The following CARMIL1 variants were observed in gnomAD, a reference collection of about 807,000 sequenced individuals.
CARMIL1 encodes the protein F-actin-uncapping protein LRRC16A.
Under a neutral mutation model 177.1 loss-of-function variants are expected in CARMIL1, and 90 were observed. The ratio of observed to expected loss-of-function variants is 0.51; its 90% CI spans 0.43 to 0.61. The LOEUF (loss-of-function observed/expected upper bound fraction) is 0.61, where lower values mean the gene tolerates loss of function less well. Among genes scored for constraint, CARMIL1 ranks in the 20% least tolerant of loss-of-function variants. The pLI is 0.00. For missense variants in CARMIL1, 1,380 were observed against 1,667.0 expected, an observed-to-expected ratio of 0.83 and a Z score of 3.00; for synonymous variants, 577 against 606.2, an observed-to-expected ratio of 0.95 and a Z score of 0.71.
In CARMIL1 at chr6:25,510,914, A is replaced by C. The variant is rs1387503932; in HGVS notation, c.1632+152A>C. On this transcript the variant is annotated intron_variant, in intron 20 of 36. Coordinates refer to ENST00000329474, the MANE Select transcript of CARMIL1 (RefSeq NM_017640.6). Reference sequence around the variant, plus strand: ...TTTAAAAATGGAATAAATACACTTTAGTAGAGTTGTAGAATGTATTTAAAA... The same window carrying C: ...TTTAAAAATGGAATAAATACACTTTCGTAGAGTTGTAGAATGTATTTAAAA... 6.7e-5 allele frequency among the ~76,000 whole-genome samples: 10 copies of C among 149,338 alleles called. No homozygotes were observed. In the Admixed American group the frequency reaches 6.8e-4, roughly 10 times the overall value.
At chr6:25,422,125 C>T (rs11968423) in intron 3 of CARMIL1, among the ~76,000 whole-genome samples, 16,258 of 152,134 alleles carry the variant, frequency 0.11, 968 homozygotes, top group East Asian at 0.2. Context: ...TTAGACTCAC[C>T]ATGTCCTACT....
intron 5 of CARMIL1, 149 bp from the exon 6 acceptor site, chr6:25,449,749 A>C (rs1036780305): frequency 3.0e-5 from 16 of 525,172 alleles, no homozygotes; most frequent in Admixed American, 6.8e-5. Flanking sequence ...TCTAGTGCTC[A>C]AAAAAATTGA....
chr6:25,287,248 G>C (rs1416306718), intron 2 of CARMIL1, among the ~76,000 whole-genome samples: 1 of 152,150 alleles, frequency 6.6e-6, no homozygotes, highest in Non-Finnish European at 1.5e-5. Flanking sequence ...TTGTGCTTTT[G>C]TTACTTCCCC....
intron 8 of CARMIL1, among the ~76,000 whole-genome samples, chr6:25,463,971 C>G (rs301399): frequency 6.6e-6 from 1 of 151,114 alleles, no homozygotes; most frequent in Non-Finnish European, 1.5e-5. Flanking sequence ...TACAGGCGCC[C>G]GCCACTACGC....
At chr6:25,394,867 A>C (rs1793220828) in intron 2 of CARMIL1, among the ~76,000 whole-genome samples, 1 of 152,250 alleles carries the variant, frequency 6.6e-6, no homozygotes, top group Non-Finnish European at 1.5e-5. Context: ...ACTGTTTATA[A>C]GTAAATATGT....
chr6:25,395,476 C>T (rs530552553), intron 2 of CARMIL1, among the ~76,000 whole-genome samples: 2 of 152,272 alleles, frequency 1.3e-5, no homozygotes, highest in African/African-American at 4.8e-5. Context: ...ACCCTCATTG[C>T]GGCCATTCCT....
chr6:25,365,993 A>G (rs1789748106), intron 2 of CARMIL1, among the ~76,000 whole-genome samples: 1 of 151,956 alleles, frequency 6.6e-6, no homozygotes, highest in African/African-American at 2.4e-5. Flanking sequence ...GTGTCCATTT[A>G]CGTATGTATG....
chr6:25,323,565 C>T (rs1784848079), intron 2 of CARMIL1, among the ~76,000 whole-genome samples: 1 of 152,122 alleles, frequency 6.6e-6, no homozygotes, highest in South Asian at 2.1e-4. Context: ...GCTATGATCA[C>T]ACCACTGCAC....
chr6:25,411,027 T>G (rs1489347458), intron 2 of CARMIL1, among the ~76,000 whole-genome samples: 1 of 152,216 alleles, frequency 6.6e-6, no homozygotes, highest in African/African-American at 2.4e-5. Context: ...GCTGGCCCTG[T>G]GTTGGGGAAG....
At chr6:25,360,976 T>C (rs977850208) in intron 2 of CARMIL1, among the ~76,000 whole-genome samples, 3 of 152,196 alleles carry the variant, frequency 2.0e-5, no homozygotes, top group African/African-American at 7.2e-5. Context: ...TTTTCAAACA[T>C]GTTGGAAATG....
At chr6:25,304,334 A>G (rs1332220629) in intron 2 of CARMIL1, among the ~76,000 whole-genome samples, 1 of 152,166 alleles carries the variant, frequency 6.6e-6, no homozygotes, top group Non-Finnish European at 1.5e-5. Context: ...TCAAGTATAG[A>G]TTGCTTGCCC....
intron 2 of CARMIL1, among the ~76,000 whole-genome samples, chr6:25,316,403 A>T (rs9461137): frequency 0.022 from 3,248 of 147,150 alleles, 107 homozygotes; most frequent in African/African-American, 0.074. Context: ...TTTAGATGAG[A>T]TAGTTTATAT....
chr6:25,427,846 C>G (rs576443325), intron 4 of CARMIL1, among the ~76,000 whole-genome samples: 1 of 152,148 alleles, frequency 6.6e-6, no homozygotes, highest in Non-Finnish European at 1.5e-5. Flanking sequence ...TTTGCCATCA[C>G]GTATTTCCTT....
chr6:25,436,825 C>T (rs868766613), intron 5 of CARMIL1, among the ~76,000 whole-genome samples: 2 of 152,192 alleles, frequency 1.3e-5, no homozygotes, highest in Non-Finnish European at 2.9e-5. Context: ...CTAAGTGTCC[C>T]TGGCCTCCAT....
At chr6:25,320,571 G>A (rs73396128) in intron 2 of CARMIL1, among the ~76,000 whole-genome samples, 1 of 152,160 alleles carries the variant, frequency 6.6e-6, no homozygotes, top group Non-Finnish European at 1.5e-5. Context: ...CCTAACAAAT[G>A]GTGTGGTTTG....
chr6:25,452,379 C>G (rs1278335146), intron 8 of CARMIL1: 2 of 603,102 alleles, frequency 3.3e-6, no homozygotes, highest in African/African-American at 3.7e-5. Flanking sequence ...AAGTATTTTC[C>G]AATAAAACAA....
chr6:25,592,804 A>C (rs1814448135), intron 31 of CARMIL1, among the ~76,000 whole-genome samples: 1 of 152,248 alleles, frequency 6.6e-6, no homozygotes, highest in African/African-American at 2.4e-5. Context: ...AGACATCTAG[A>C]CCAGGTATCC....
chr6:25,588,926 G>A (rs1025857462), intron 31 of CARMIL1, among the ~76,000 whole-genome samples: 2 of 152,230 alleles, frequency 1.3e-5, no homozygotes, highest in Non-Finnish European at 2.9e-5. Flanking sequence ...GTCAGTATCA[G>A]TCAGTTTGCC....
chr6:25,594,581 T>A, intron 32 of CARMIL1, 54 bp downstream of exon 32: 1 of 992,604 alleles, frequency 1.0e-6, no homozygotes, highest in South Asian at 1.5e-5. Flanking sequence ...TTTAAATTAC[T>A]AACAGTTACA....
Sources: gnomAD v4.1 joint callset for allele counts (sites outside exome capture counted in the v4.1 genomes callset) on GRCh38, gnomAD v4.1.1 for gene constraint, MANE v1.5 for transcripts, NCBI Gene and HGNC (gene_info 2026-07-23, HGNC 2026-07-21) for gene names.